Variants in KBTBD12 observed in about 807,000 individuals in gnomAD.
KBTBD12 encodes the protein kelch repeat and BTB domain containing 12, also known as kelch repeat and BTB domain-containing protein 12.
A neutral mutation model predicts 58.7 loss-of-function variants in KBTBD12; 53 were observed. That is an observed-to-expected ratio of 0.90 (90% CI 0.72 to 1.14). The LOEUF is 1.14. Among genes scored for constraint, KBTBD12 ranks in the 50% most tolerant of loss-of-function variants. The pLI is 0.00. For missense variants in KBTBD12, 704 were observed against 751.3 expected, an observed-to-expected ratio of 0.94 and a Z score of 0.74; for synonymous variants, 236 against 259.8, an observed-to-expected ratio of 0.91 and a Z score of 0.88.
intron 5 of KBTBD12, among the ~76,000 whole-genome samples, chr3:127,982,182 A>G (rs997108480): frequency 6.6e-6 from 1 of 152,212 alleles, no homozygotes; most frequent in Non-Finnish European, 1.5e-5. Flanking sequence ...AGGTGAAAAG[A>G]AAGGAGAGTC....
intron 4 of KBTBD12, among the ~76,000 whole-genome samples, chr3:127,935,184 T>TGAAGTTGAAATGTCC (rs1358487735): frequency 6.6e-6 from 1 of 152,158 alleles, no homozygotes; most frequent in East Asian, 1.9e-4. Flanking sequence ...AAGCCCATCA[T>TGAAGTTGAAATGTCC]GAAGTTGAAA....
chr3:127,944,048 G>T (rs1940017760), intron 4 of KBTBD12, among the ~76,000 whole-genome samples: 1 of 152,064 alleles, frequency 6.6e-6, no homozygotes, highest in African/African-American at 2.4e-5. Flanking sequence ...TTATGTGTCT[G>T]TTTTTATTGC....
chr3:127,967,322 G>A (rs1310690084), intron 5 of KBTBD12, among the ~76,000 whole-genome samples: 1 of 152,126 alleles, frequency 6.6e-6, no homozygotes, highest in Non-Finnish European at 1.5e-5. Context: ...AATAAAATGA[G>A]AGAAAACAGT....
chr3:127,934,693 CAA>C (rs1464299776), intron 4 of KBTBD12, among the ~76,000 whole-genome samples: 1 of 151,970 alleles, frequency 6.6e-6, no homozygotes, highest in African/African-American at 2.4e-5. Context: ...TAGAAGGAAA[CAA>C]GAGTATACTT....
Position 127,963,259 on chromosome 3 carries a change from C to T in KBTBD12, c.1563C>T (p.Asn521=). 2 of 1,612,736 alleles carry T rather than the reference C, an allele frequency of 1.2e-6. No homozygotes were observed. The highest frequency in any genetic ancestry group is 1.7e-6 in the Non-Finnish European group (2 of 1,179,486). ...RKCLDVVEIY[N]PDGDFWREGP... ...GCCTTGACGTGGTGGAGATCTACAA[C>T]CCAGATGGGGACTTTTGGCGAGAGG... is the stretch of plus-strand genomic sequence containing the variant. The change falls in exon 5 of 6, where the codon AAC becomes AAT. Residue 521 remains asparagine (N), a synonymous_variant. Coordinates refer to ENST00000405109, the MANE Select transcript of KBTBD12 (RefSeq NM_207335.4).
At chr3:127,932,077 G>A (rs1258708159) in intron 4 of KBTBD12, among the ~76,000 whole-genome samples, 1 of 152,092 alleles carries the variant, frequency 6.6e-6, no homozygotes, top group Non-Finnish European at 1.5e-5. Flanking sequence ...AAAGAACACA[G>A]CAAAGAGAAG....
chr3:127,981,413 CATTATT>C lies in KBTBD12; in HGVS notation c.1691-2679_1691-2674del, dbSNP rs571471569. The stretch of plus-strand genomic sequence containing the variant: ...CACCTAATGCTATCCAATAAATAGT[CATTATT>C]ATTAACATAACAGATTCTGACATAA... On this transcript the variant is annotated intron_variant, in intron 5 of 5. Coordinates refer to ENST00000405109, the MANE Select transcript of KBTBD12 (RefSeq NM_207335.4). Among the ~76,000 whole-genome samples, 653 of 152,292 alleles carry C rather than the reference CATTATT, an allele frequency of 4.3e-3. 9 individuals are homozygous for C. The highest frequency in any genetic ancestry group is 0.015 in the African/African-American group (620 of 41,554).
At position 127,915,254 on chromosome 3, in the gene KBTBD12, G is replaced by T. The variant is rs1216721735; in HGVS notation, c.-445G>T. On this transcript the variant is annotated 5_prime_UTR_variant, in exon 1 of 6. Transcript: ENST00000405109. Reference sequence around the variant, plus strand: ...CTCAGTAGGGTACGGGACGCGCGCGGGGAGACCCTGTGCAGCGACACCGGG... The same window carrying T: ...CTCAGTAGGGTACGGGACGCGCGCGTGGAGACCCTGTGCAGCGACACCGGG... 6.6e-6 allele frequency: 1 copy of T among 152,118 alleles called. No individual in the cohort carries two copies. The highest frequency in any genetic ancestry group is 6.5e-5 in the Admixed American group (1 of 15,288). 9.4% of individuals were successfully genotyped at this position (152,118 alleles called of 1,614,324 possible).
At chr3:127,937,339 G>A (rs1376791140) in intron 4 of KBTBD12, among the ~76,000 whole-genome samples, 1 of 152,136 alleles carries the variant, frequency 6.6e-6, no homozygotes, top group Non-Finnish European at 1.5e-5. Flanking sequence ...GATCAAAAAT[G>A]TTTGGGTAAG....
intron 4 of KBTBD12, among the ~76,000 whole-genome samples, chr3:127,962,949 C>T (rs985797529): frequency 2.6e-5 from 4 of 152,184 alleles, no homozygotes; most frequent in Non-Finnish European, 5.9e-5. Context: ...GTGGTAGACT[C>T]AGTCTCATGC....
intron 1 of KBTBD12, among the ~76,000 whole-genome samples, chr3:127,916,492 A>G (rs1436044369): frequency 6.6e-6 from 1 of 152,204 alleles, no homozygotes; most frequent in African/African-American, 2.4e-5. Flanking sequence ...TAAGAATTAC[A>G]AATAATGACT....
At chr3:127,935,267 T>C (rs1449650961) in intron 4 of KBTBD12, among the ~76,000 whole-genome samples, 3 of 152,134 alleles carry the variant, frequency 2.0e-5, no homozygotes, top group African/African-American at 7.2e-5. Flanking sequence ...TGATACTATA[T>C]AGTTGGGTTT....
At chr3:127,954,723 T>A (rs1341060208) in intron 4 of KBTBD12, among the ~76,000 whole-genome samples, 1 of 152,184 alleles carries the variant, frequency 6.6e-6, no homozygotes, top group Non-Finnish European at 1.5e-5. Context: ...GGCCCCAGCC[T>A]GCCCCTGCAG....
At chr3:127,942,636 CTATATATAACTA>C (rs1462592891) in intron 4 of KBTBD12, among the ~76,000 whole-genome samples, 1 of 145,202 alleles carries the variant, frequency 6.9e-6, no homozygotes, top group Non-Finnish European at 1.5e-5. Flanking sequence ...ATATATATAA[CTATATATAACTA>C]TATATATAAC....
chr3:127,942,411 G>A (rs1939972696), intron 4 of KBTBD12, among the ~76,000 whole-genome samples: 1 of 151,924 alleles, frequency 6.6e-6, no homozygotes, highest in South Asian at 2.1e-4. Flanking sequence ...TCCAGATATA[G>A]CTGAGTTCAT....
In KBTBD12 at chr3:127,984,207, G is replaced by C; in HGVS notation, c.1801G>C (p.Val601Leu). 6.2e-7 allele frequency: 1 copy of C among 1,613,994 alleles called. No homozygotes were observed. The highest frequency in any genetic ancestry group is 1.7e-5 in the Admixed American group (1 of 60,026). ...GCATGACAGCTATGATGTCTGCCTA[G>C]TAGCCAGGATGAATCCCCGAGACCT... ...LMHDSYDVCL[V>L]ARMNPRDLIP... The change falls in exon 6 of 6, where the codon GTA becomes CTA. Residue 601 changes from valine to leucine, a missense_variant. Physicochemically the swap from Val to Leu is conservative, Grantham distance 32. Coordinates refer to ENST00000405109, the MANE Select transcript of KBTBD12 (RefSeq NM_207335.4).
At chr3:127,934,932 C>T (rs550781658) in intron 4 of KBTBD12, among the ~76,000 whole-genome samples, 3 of 152,092 alleles carry the variant, frequency 2.0e-5, no homozygotes, top group Admixed American at 6.6e-5. Context: ...TCAGACAGAA[C>T]GGAGGTGATG....
intron 4 of KBTBD12, among the ~76,000 whole-genome samples, chr3:127,953,494 A>G (rs1332528539): frequency 6.6e-6 from 1 of 152,258 alleles, no homozygotes; most frequent in Admixed American, 6.5e-5. Context: ...AATAGGAATT[A>G]AAGATGAAAA....
chr3:127,935,417 CAT>C (rs1407238372), intron 4 of KBTBD12, among the ~76,000 whole-genome samples: 1 of 151,978 alleles, frequency 6.6e-6, no homozygotes, highest in East Asian at 1.9e-4. Context: ...AAGTAAAATA[CAT>C]GTTAGAATTT....
Sources: allele counts gnomAD v4.1 joint callset (sites outside exome capture counted in the v4.1 genomes callset), GRCh38; gene constraint gnomAD v4.1.1; transcripts MANE v1.5; gene names NCBI Gene and HGNC (gene_info 2026-07-23, HGNC 2026-07-21).